ZFAND3: variants seen among roughly 807,000 people sequenced by gnomAD.
ZFAND3 encodes the protein AN1-type zinc finger protein 3.
ZFAND3 carries 10 observed loss-of-function variants against 29.6 expected under a neutral mutation model. The observed-to-expected ratio is 0.34, with a 90% confidence interval of 0.21 to 0.57. The LOEUF (loss-of-function observed/expected upper bound fraction) is 0.57. Ranked by LOEUF, ZFAND3 falls within the 20% of genes least tolerant of loss-of-function variation. The pLI is 0.86. For missense variants in ZFAND3, 230 were observed against 304.5 expected (o/e 0.76, Z 1.82); for synonymous variants, 128 against 112.6 (o/e 1.14, Z -0.87).
intron 2 of ZFAND3, among the ~76,000 whole-genome samples, chr6:37,964,839 A>T (rs547930824): frequency 8.5e-5 from 13 of 152,306 alleles, no homozygotes; most frequent in Non-Finnish European, 1.8e-4. Context: ...GAACTTAAGC[A>T]AGTTGTACAT....
chr6:37,849,194 G>A lies in ZFAND3; in HGVS notation c.71+29178G>A, dbSNP rs551996472. 5.9e-5 allele frequency among the ~76,000 whole-genome samples: 9 copies of A among 152,250 alleles called. No homozygotes were observed. The South Asian group carries it at 1.9e-3, about 32-fold the overall frequency. On this transcript the variant is annotated intron_variant, in intron 1 of 5. Transcript: ENST00000287218. ...GGTTGGAGTGAAGATGGAGGAGAAT[G>A]GGAGAGACGGGGGAGGACCATAGAC...
intron 2 of ZFAND3, among the ~76,000 whole-genome samples, chr6:38,056,928 T>A (rs1764143972): frequency 6.6e-6 from 1 of 152,222 alleles, no homozygotes; most frequent in Non-Finnish European, 1.5e-5. Context: ...TAAATTCAGT[T>A]TTTACAAGTA....
At chr6:38,120,830 T>C (rs77881874) in intron 5 of ZFAND3, among the ~76,000 whole-genome samples, 3,471 of 152,304 alleles carry the variant, frequency 0.023, 64 homozygotes, top group Middle Eastern at 0.051. Context: ...AAATAAGTTT[T>C]CTCTTCACTT....
At chr6:37,869,856 T>G (rs1279647170) in intron 1 of ZFAND3, among the ~76,000 whole-genome samples, 1 of 152,012 alleles carries the variant, frequency 6.6e-6, no homozygotes, top group Non-Finnish European at 1.5e-5. Flanking sequence ...ACTCTTGCCT[T>G]TGTTCATTTT....
intron 2 of ZFAND3, among the ~76,000 whole-genome samples, chr6:38,033,928 G>A (rs934546676): frequency 6.6e-6 from 1 of 151,976 alleles, no homozygotes; most frequent in Non-Finnish European, 1.5e-5. Flanking sequence ...GTTTAAAAGG[G>A]TACTTACTGT....
chr6:37,974,503 C>T (rs370234609), intron 2 of ZFAND3, among the ~76,000 whole-genome samples: 1 of 147,848 alleles, frequency 6.8e-6, no homozygotes, highest in East Asian at 2.0e-4. Context: ...TTTCTAGATT[C>T]AGGCAATCCT....
At chr6:37,899,089 C>T (rs921047414) in intron 1 of ZFAND3, among the ~76,000 whole-genome samples, 6 of 151,958 alleles carry the variant, frequency 3.9e-5, no homozygotes, top group South Asian at 2.1e-4. Flanking sequence ...TTAGTAGAGA[C>T]GGGGTTTCAC....
chr6:38,097,723 T>C (rs1765010159), intron 4 of ZFAND3, among the ~76,000 whole-genome samples: 2 of 152,158 alleles, frequency 1.3e-5, no homozygotes, highest in South Asian at 4.1e-4. Flanking sequence ...CAGTAGATAA[T>C]AGAGATGTAG....
At chr6:37,985,667 A>G (rs1356979549) in intron 2 of ZFAND3, among the ~76,000 whole-genome samples, 1 of 152,198 alleles carries the variant, frequency 6.6e-6, no homozygotes, top group African/African-American at 2.4e-5. Context: ...TGACACAGTG[A>G]GACCCTGTCT....
chr6:38,144,213 TATATAATATATATATATA>T (rs1562016095), intron 5 of ZFAND3, among the ~76,000 whole-genome samples: 3 of 55,360 alleles, frequency 5.4e-5, no homozygotes, highest in African/African-American at 3.8e-4. Flanking sequence ...ATATATATAA[TATATAATATATATATATA>T]TTTTTTTTTT....
chr6:37,953,616 AT>A (rs958324365), intron 2 of ZFAND3, among the ~76,000 whole-genome samples: 2 of 149,614 alleles, frequency 1.3e-5, no homozygotes, highest in Admixed American at 6.7e-5. Flanking sequence ...ACACCTGGCT[AT>A]TTTTTTTTAT....
chr6:37,969,458 C>A (rs1185914099), intron 2 of ZFAND3, among the ~76,000 whole-genome samples: 2 of 152,088 alleles, frequency 1.3e-5, no homozygotes, highest in Non-Finnish European at 2.9e-5. Flanking sequence ...AGCCTATAGT[C>A]GGGCAAAAAT....
At chr6:38,086,651 A>G (rs1764764015) in intron 4 of ZFAND3, among the ~76,000 whole-genome samples, 1 of 152,218 alleles carries the variant, frequency 6.6e-6, no homozygotes, top group East Asian at 1.9e-4. Flanking sequence ...CTAACCGTCA[A>G]GTTATACCTT....
chr6:38,046,755 A>G (rs947066847), intron 2 of ZFAND3, among the ~76,000 whole-genome samples: 2 of 152,230 alleles, frequency 1.3e-5, no homozygotes, highest in Non-Finnish European at 2.9e-5. Context: ...AGATTATCTG[A>G]TATTTTATAA....
intron 2 of ZFAND3, among the ~76,000 whole-genome samples, chr6:38,045,168 A>G (rs1763877170): frequency 6.6e-6 from 1 of 150,744 alleles, no homozygotes; most frequent in Non-Finnish European, 1.5e-5. Context: ...GCTCACTGCA[A>G]CCTCCGCCTC....
At chr6:37,916,940 TG>T (rs1761270420) in intron 1 of ZFAND3, among the ~76,000 whole-genome samples, 2 of 152,336 alleles carry the variant, frequency 1.3e-5, no homozygotes, top group Admixed American at 1.3e-4. Flanking sequence ...GCTGTCCTGG[TG>T]ATCAGGTAGA....
At chr6:38,016,580 G>A (rs990162393) in intron 2 of ZFAND3, among the ~76,000 whole-genome samples, 1 of 152,134 alleles carries the variant, frequency 6.6e-6, no homozygotes, top group Non-Finnish European at 1.5e-5. Flanking sequence ...AAAGGAAAAA[G>A]CTCCTTTAAA....
intron 1 of ZFAND3, among the ~76,000 whole-genome samples, chr6:37,832,006 C>G (rs976405145): frequency 6.6e-6 from 1 of 152,138 alleles, no homozygotes; most frequent in Admixed American, 6.5e-5. Context: ...GGCAGAGAGA[C>G]CAGTTAGAGC....
At chr6:37,838,933 A>G (rs578127043) in intron 1 of ZFAND3, among the ~76,000 whole-genome samples, 2 of 152,338 alleles carry the variant, frequency 1.3e-5, no homozygotes, top group Admixed American at 1.3e-4. Flanking sequence ...CATTCCCACC[A>G]GCAATGTATG....
Sources: gnomAD v4.1 joint callset for allele counts (sites outside exome capture counted in the v4.1 genomes callset) on GRCh38, gnomAD v4.1.1 for gene constraint, MANE v1.5 for transcripts, NCBI Gene and HGNC (gene_info 2026-07-23, HGNC 2026-07-21) for gene names.